XYLT1: variants seen among roughly 807,000 people sequenced by gnomAD.
The protein encoded by XYLT1 is xylosyltransferase 1, also known as beta-D-xylosyltransferase 1.
A neutral mutation model predicts 91.3 loss-of-function variants in XYLT1; 36 were observed. That is an observed-to-expected ratio of 0.39 (90% confidence interval 0.30 to 0.52). The LOEUF (loss-of-function observed/expected upper bound fraction) is 0.52, where lower values mean the gene tolerates loss of function less well. Among genes scored for constraint, XYLT1 ranks in the 20% least tolerant of loss-of-function variants. The pLI is 0.68. For synonymous variants in XYLT1, 588 were observed against 532.0 expected (o/e 1.11, Z -1.45); for missense variants, 1,242 against 1,284.5 (o/e 0.97, Z 0.51).
At chr16:17,172,898 C>T (rs1386246271) in intron 5 of XYLT1, among the ~76,000 whole-genome samples, 3 of 152,202 alleles carry the variant, frequency 2.0e-5, no homozygotes, top group Non-Finnish European at 2.9e-5. Flanking sequence ...TCTACATGAG[C>T]TCATACCTCC....
intron 2 of XYLT1, among the ~76,000 whole-genome samples, chr16:17,336,433 G>A (rs1482748568): frequency 1.3e-5 from 2 of 152,192 alleles, no homozygotes; most frequent in Non-Finnish European, 2.9e-5. Flanking sequence ...GGGAGATGGA[G>A]AGGAAAGAAG....
At chr16:17,379,752 C>CTT (rs1317313016) in intron 1 of XYLT1, among the ~76,000 whole-genome samples, 13 of 138,678 alleles carry the variant, frequency 9.4e-5, no homozygotes, top group African/African-American at 3.5e-4. Flanking sequence ...CTCTCTCTCT[C>CTT]TCTCTCTCTC....
At chr16:17,116,166 G>T (rs74012942) in intron 11 of XYLT1, among the ~76,000 whole-genome samples, 1 of 152,024 alleles carries the variant, frequency 6.6e-6, no homozygotes, top group African/African-American at 2.4e-5. Flanking sequence ...TGAGCAGGGA[G>T]AAAGACTTTC....
rs1039192429 is a variant in XYLT1, at chr16:17,102,185, C to A, written c.*6510G>T. 3 of 152,266 alleles carry A rather than the reference C, an allele frequency of 2.0e-5. No homozygotes were observed. Among genetic ancestry groups the A allele is most frequent in the Non-Finnish European group, 4.4e-5 (3 of 68,028 alleles). 9.4% of individuals were successfully genotyped at this position (152,266 alleles called of 1,614,324 possible). A position where few individuals can be genotyped will look rare whatever the true frequency, so the allele number is the denominator to read the frequency against. ...TCAGCATCCCATCCACGTGGTGCTT[C>A]CTTTAACTCTCAAAAGTATCCCAGT... On this transcript the variant is annotated 3_prime_UTR_variant, in exon 12 of 12. Transcript: ENST00000261381.
chr16:17,421,027 G>C (rs770340751), intron 1 of XYLT1, among the ~76,000 whole-genome samples: 1 of 152,026 alleles, frequency 6.6e-6, no homozygotes, highest in African/African-American at 2.4e-5. Context: ...TATTAATATC[G>C]GCTTCCCTTC....
intron 2 of XYLT1, among the ~76,000 whole-genome samples, chr16:17,327,543 T>TAGTAGAGAC (rs2034827147): frequency 6.8e-6 from 1 of 147,538 alleles, no homozygotes; most frequent in South Asian, 2.2e-4. Flanking sequence ...TTTGTATTTT[T>TAGTAGAGAC]AGTAGAGACG....
chr16:17,117,608 A>G, intron 11 of XYLT1, 38 bp downstream of exon 11: 3 of 1,581,622 alleles, frequency 1.9e-6, no homozygotes, highest in Non-Finnish European at 2.6e-6. Context: ...TCCCCAGGGA[A>G]GGAGTATTTC....
chr16:17,136,123 C>T (rs753180436), intron 8 of XYLT1, among the ~76,000 whole-genome samples: 2 of 152,162 alleles, frequency 1.3e-5, no homozygotes, highest in Admixed American at 6.5e-5. Context: ...ATACGCAGGG[C>T]AATGGACTTA....
intron 1 of XYLT1, among the ~76,000 whole-genome samples, chr16:17,420,191 T>C (rs1452849107): frequency 6.6e-6 from 1 of 152,184 alleles, no homozygotes; most frequent in Non-Finnish European, 1.5e-5. Context: ...GCCCAAATTA[T>C]AGCTTGTGCC....
chr16:17,283,813 G>A (rs1244598492), intron 2 of XYLT1, among the ~76,000 whole-genome samples: 2 of 152,172 alleles, frequency 1.3e-5, no homozygotes, highest in East Asian at 1.9e-4. Context: ...GGGGCGGGGT[G>A]TGATGGTGAC....
chr16:17,365,299 C>T (rs540928071), intron 1 of XYLT1, among the ~76,000 whole-genome samples: 24 of 152,272 alleles, frequency 1.6e-4, no homozygotes, highest in Admixed American at 4.6e-4. Context: ...CATAACGGGG[C>T]TTTCTCTTCA....
At chr16:17,205,059 G>C (rs2032617532) in intron 3 of XYLT1, among the ~76,000 whole-genome samples, 1 of 151,502 alleles carries the variant, frequency 6.6e-6, no homozygotes, top group African/African-American at 2.4e-5. Flanking sequence ...AGAGTGATTA[G>C]AGGCAGCAGG....
At chr16:17,387,519 T>A (rs929827125) in intron 1 of XYLT1, among the ~76,000 whole-genome samples, 1 of 152,196 alleles carries the variant, frequency 6.6e-6, no homozygotes. Flanking sequence ...AGGCACAGGC[T>A]ATTATCAGCG....
At chr16:17,367,409 T>C (rs1007178703) in intron 1 of XYLT1, among the ~76,000 whole-genome samples, 12 of 152,326 alleles carry the variant, frequency 7.9e-5, no homozygotes, top group African/African-American at 2.9e-4. Flanking sequence ...GCCACATCTA[T>C]AATTCATCCC....
At chr16:17,251,332 C>G (rs1234312355) in intron 3 of XYLT1, 1 of 152,306 alleles carries the variant, frequency 6.6e-6, no homozygotes, top group African/African-American at 2.4e-5. Flanking sequence ...TGCCCATCAC[C>G]CATTGGAGAA....
chr16:17,128,238 T>C (rs945855048), intron 9 of XYLT1, among the ~76,000 whole-genome samples: 2 of 152,100 alleles, frequency 1.3e-5, no homozygotes, highest in African/African-American at 4.8e-5. Context: ...TGCATCTATT[T>C]GCATAAATAC....
intron 5 of XYLT1, among the ~76,000 whole-genome samples, chr16:17,183,098 G>A (rs2032106621): frequency 6.6e-6 from 1 of 152,176 alleles, no homozygotes; most frequent in Non-Finnish European, 1.5e-5. Context: ...GAACTTCAGG[G>A]TCAGCTAAGC....
At chr16:17,159,991 T>TG (rs1302025791) in intron 5 of XYLT1, among the ~76,000 whole-genome samples, 2 of 152,156 alleles carry the variant, frequency 1.3e-5, no homozygotes, top group Non-Finnish European at 2.9e-5. Flanking sequence ...TTGTTTCAAA[T>TG]GGGAGGAACA....
chr16:17,404,531 G>A (rs376358275), intron 1 of XYLT1, among the ~76,000 whole-genome samples: 1 of 152,150 alleles, frequency 6.6e-6, no homozygotes, highest in Non-Finnish European at 1.5e-5. Flanking sequence ...AGGCTGATGG[G>A]AATTCATCAC....
Sources: allele counts gnomAD v4.1 joint callset (sites outside exome capture counted in the v4.1 genomes callset), GRCh38; gene constraint gnomAD v4.1.1; transcripts MANE v1.5; gene names NCBI Gene and HGNC (gene_info 2026-07-23, HGNC 2026-07-21).